Variants in ZSCAN22 observed in about 807,000 individuals in gnomAD.
ZSCAN22 encodes zinc finger and SCAN domain containing 22.
Under a neutral mutation model 12.4 loss-of-function variants are expected in ZSCAN22, and 7 were observed. The ratio of observed to expected loss-of-function variants is 0.57; its 90% CI spans 0.32 to 1.06. ZSCAN22 has a LOEUF of 1.06. Ranked by LOEUF, ZSCAN22 falls within the 50% of genes least tolerant of loss-of-function variation. The pLI is 0.04. For synonymous variants in ZSCAN22, 243 were observed against 255.9 expected (o/e 0.95, Z 0.48); for missense variants, 576 against 631.7 (o/e 0.91, Z 0.94).
rs1030116547 is a variant in ZSCAN22, at chr19:58,329,198, CCACCAGAGGT to C, written c.-52+2091_-52+2100del. Among the ~76,000 whole-genome samples, 298 of 148,872 alleles carry C rather than the reference CCACCAGAGGT, an allele frequency of 2.0e-3. 2 individuals carry two copies. The highest frequency in any genetic ancestry group is 7.1e-3 in the African/African-American group (278 of 39,084). ...GGCTTAAACGCAGCTTGGCCAGAGG[CCACCAGAGGT>C]CACCAGCGGTCACCAAAAGGTTTCA... On this transcript the variant is annotated intron_variant, in intron 1 of 2. Coordinates refer to ENST00000329665, the MANE Select transcript of ZSCAN22 (RefSeq NM_181846.3). The surrounding 1 kb of genome is among the most constrained non-coding windows in gnomAD (Gnocchi z 4.1).
At chr19:58,336,619 T>C (rs1392415635) in intron 2 of ZSCAN22, among the ~76,000 whole-genome samples, 1 of 152,168 alleles carries the variant, frequency 6.6e-6, no homozygotes, top group Non-Finnish European at 1.5e-5. Flanking sequence ...AAATCCCAAC[T>C]GGGCCACTAG....
At position 58,335,134 on chromosome 19, in the gene ZSCAN22, C is replaced by T. The variant is rs907282462; in HGVS notation, c.332C>T (p.Ala111Val). The T allele has an allele frequency of 1.9e-6, 3 of 1,613,782 alleles. No homozygotes were observed. The South Asian group carries it at 3.3e-5, about 18-fold the overall frequency. Residue 111 changes from alanine (A) to valine (V), a missense_variant, in exon 2 of 3, where the codon GCC becomes GTC. By Grantham distance (64) the Ala-to-Val change is moderately conservative. Coordinates refer to ENST00000329665, the MANE Select transcript of ZSCAN22 (RefSeq NM_181846.3). This position sits in a 1 kb window ranked among gnomAD's most constrained non-coding sequence, Gnocchi z 4.1. ...CCAGAGATCCAAGCCTGGGTGGGAG[C>T]CCAGAGTCCCAAGAGCGGAGAGGAA... ...LPPEIQAWVG[A>V]QSPKSGEEAA...
rs1489378239 is a variant in ZSCAN22, at chr19:58,329,395, C to A, written c.-52+2281C>A. ...ACATTGAAGGAAAGGAAAAAGAACTCCAAATACTTAAAACTGTGGGAGTCG... is the reference window on the plus strand; with the variant it reads ...ACATTGAAGGAAAGGAAAAAGAACTACAAATACTTAAAACTGTGGGAGTCG... On this transcript the variant is annotated intron_variant, in intron 1 of 2. Coordinates refer to ENST00000329665, the MANE Select transcript of ZSCAN22 (RefSeq NM_181846.3). The surrounding 1 kb of genome is among the most constrained non-coding windows in gnomAD (Gnocchi z 4.1). Among the ~76,000 whole-genome samples, 1 of 152,146 alleles carries A rather than the reference C, an allele frequency of 6.6e-6. No homozygotes were observed. The highest frequency in any genetic ancestry group is 2.4e-5 in the African/African-American group (1 of 41,428).
Position 58,335,215 on chromosome 19 carries a change from C to A in ZSCAN22, c.403+10C>A, listed in dbSNP as rs746538364. The A allele has an allele frequency of 6.4e-7, 1 of 1,562,708 alleles. No homozygotes were observed. Among genetic ancestry groups the A allele is most frequent in the South Asian group, 1.2e-5 (1 of 84,474 alleles). ...GTGCTGGACAAGAGAGGTAAAGGGGCGCCGTGGGCAGCTTCACGGCACACC... is the reference window on the plus strand; with the variant it reads ...GTGCTGGACAAGAGAGGTAAAGGGGAGCCGTGGGCAGCTTCACGGCACACC... On this transcript the variant is annotated intron_variant, in intron 2 of 2. Coordinates refer to ENST00000329665, the MANE Select transcript of ZSCAN22 (RefSeq NM_181846.3). This position sits in a 1 kb window ranked among gnomAD's most constrained non-coding sequence, Gnocchi z 4.1.
chr19:58,331,164 T>G (rs76300164), intron 1 of ZSCAN22, among the ~76,000 whole-genome samples: 3 of 151,502 alleles, frequency 2.0e-5, no homozygotes, highest in Non-Finnish European at 4.4e-5. Flanking sequence ...GTCTTTTGTG[T>G]AGAGGCCTGA....
Position 58,339,029 on chromosome 19 carries a change from G to T in ZSCAN22, c.1179G>T (p.Thr393=), listed in dbSNP as rs530965276. The change falls in exon 3 of 3, where the codon ACG becomes ACT. Residue 393 remains threonine (T), a synonymous_variant. Coordinates refer to ENST00000329665, the MANE Select transcript of ZSCAN22 (RefSeq NM_181846.3). The surrounding 1 kb of genome is among the most constrained non-coding windows in gnomAD (Gnocchi z 5.6). The part of the protein sequence containing the change: ...DACGKAFSQS[T]HLTQHQRIHT... ...GTGGGAAAGCCTTCAGCCAGAGCAC[G>T]CACCTGACTCAACACCAGCGCATCC... is the stretch of plus-strand genomic sequence containing the variant. The T allele has an allele frequency of 1.2e-6, 2 of 1,613,602 alleles. 1 individual carries two copies. Among genetic ancestry groups the T allele is most frequent in the Admixed American group, 3.3e-5 (2 of 59,958 alleles).
At position 58,338,825 on chromosome 19, in the gene ZSCAN22, G is replaced by A; in HGVS notation, c.975G>A (p.Glu325=). ...QVVHTGAKPH[E]CKECGKAFSR... ...TCCACACAGGGGCGAAGCCCCATGA[G>A]TGTAAGGAATGTGGGAAGGCCTTCA... Residue 325 remains glutamate (E), a synonymous_variant, in exon 3 of 3, where the codon GAG becomes GAA. Transcript: ENST00000329665. The surrounding 1 kb of genome is among the most constrained non-coding windows in gnomAD (Gnocchi z 5.4). 1.2e-6 allele frequency: 2 copies of A among 1,614,040 alleles called. No individual in the cohort carries two copies. The highest frequency in any genetic ancestry group is 1.7e-6 in the Non-Finnish European group (2 of 1,179,892).
At position 58,335,224 on chromosome 19, in the gene ZSCAN22, C is replaced by G; in HGVS notation, c.403+19C>G. On this transcript the variant is annotated intron_variant, in intron 2 of 2. Coordinates refer to ENST00000329665, the MANE Select transcript of ZSCAN22 (RefSeq NM_181846.3). The surrounding 1 kb of genome is among the most constrained non-coding windows in gnomAD (Gnocchi z 4.1). ...AAGAGAGGTAAAGGGGCGCCGTGGGCAGCTTCACGGCACACCAGAGATACA... is the reference window on the plus strand; with the variant it reads ...AAGAGAGGTAAAGGGGCGCCGTGGGGAGCTTCACGGCACACCAGAGATACA... 6.5e-7 allele frequency: 1 copy of G among 1,543,080 alleles called. No homozygotes were observed. Among genetic ancestry groups the G allele is most frequent in the Non-Finnish European group, 8.7e-7 (1 of 1,143,154 alleles).
chr19:58,338,497 C>A lies in ZSCAN22; in HGVS notation c.647C>A (p.Thr216Lys), dbSNP rs749318957. 1 of 1,614,112 alleles carries A rather than the reference C, an allele frequency of 6.2e-7. No individual in the cohort carries two copies. The highest frequency in any genetic ancestry group is 8.5e-7 in the Non-Finnish European group (1 of 1,180,056). The change falls in exon 3 of 3, where the codon ACA (threonine) becomes AAA (lysine). Residue 216 changes from threonine to lysine, a missense_variant. Physicochemically the swap from Thr to Lys is moderately conservative, Grantham distance 78 (BLOSUM62 -1). Transcript: ENST00000329665. The surrounding 1 kb of genome is among the most constrained non-coding windows in gnomAD (Gnocchi z 5.4). ...TCAGGGCCTTACAAGGATGTCCCCACAGACCAGCGTGGCCGTGAATCTGGT... is the reference window on the plus strand; with the variant it reads ...TCAGGGCCTTACAAGGATGTCCCCAAAGACCAGCGTGGCCGTGAATCTGGT... Reference protein sequence around the residue: ...KTSGPYKDVPTDQRGRESGAS... With the variant: ...KTSGPYKDVPKDQRGRESGAS...
In ZSCAN22 at chr19:58,338,555, C is replaced by T; in HGVS notation, c.705C>T (p.Asn235=). ...ASRNSSSAWP[N]LTSQEKPPSE... is the part of the protein sequence containing the mutation. ...GGAACAGTTCTAGTGCGTGGCCAAACCTCACCTCCCAAGAGAAGCCTCCTT... is the reference window on the plus strand; with the variant it reads ...GGAACAGTTCTAGTGCGTGGCCAAATCTCACCTCCCAAGAGAAGCCTCCTT... The change falls in exon 3 of 3, where the codon AAC becomes AAT. Residue 235 remains asparagine, a synonymous_variant. Transcript: ENST00000329665. The surrounding 1 kb of genome is among the most constrained non-coding windows in gnomAD (Gnocchi z 5.4). The T allele has an allele frequency of 5.0e-6, 8 of 1,614,254 alleles. No individual in the cohort carries two copies. Among genetic ancestry groups the T allele is most frequent in the Non-Finnish European group, 5.9e-6 (7 of 1,180,042 alleles).
chr19:58,336,521 A>G (rs149894784), intron 2 of ZSCAN22, among the ~76,000 whole-genome samples: 224 of 152,108 alleles, frequency 1.5e-3, no homozygotes, highest in Non-Finnish European at 1.6e-3. Flanking sequence ...TTCTGGATAG[A>G]GGAAGGAAGG....
At chr19:58,328,978 G>A (rs747889197) in intron 1 of ZSCAN22, among the ~76,000 whole-genome samples, 1 of 152,152 alleles carries the variant, frequency 6.6e-6, no homozygotes, top group Non-Finnish European at 1.5e-5. Flanking sequence ...AGTTACCCAG[G>A]GCACTCTGGG....
At position 58,331,516 on chromosome 19, in the gene ZSCAN22, ACGTTATTATTATTATTATTATTAT is replaced by A. The variant is rs1219746172; in HGVS notation, c.-51-3235_-51-3212del. Among the ~76,000 whole-genome samples, 326 of 130,110 alleles carry A rather than the reference ACGTTATTATTATTATTATTATTAT, an allele frequency of 2.5e-3. 1 individual carries two copies. Among genetic ancestry groups the A allele is most frequent in the Middle Eastern group, 0.021 (5 of 242 alleles). 85.4% of individuals were successfully genotyped at this position (130,110 alleles called of 152,430 possible). A position where few individuals can be genotyped will look rare whatever the true frequency, so the allele number is the denominator to read the frequency against. On this transcript the variant is annotated intron_variant, in intron 1 of 2. Transcript: ENST00000329665. ...AGGTGTGAGCCACCGCGTCCAGCTG[ACGTTATTATTATTATTATTATTAT>A]TATTATTATTATTATTATTATTATT...
At chr19:58,333,784 A>G (rs1043961633) in intron 1 of ZSCAN22, among the ~76,000 whole-genome samples, 3 of 152,260 alleles carry the variant, frequency 2.0e-5, no homozygotes, top group African/African-American at 7.2e-5. Context: ...GCGGAGTTGC[A>G]GTGAGCCGAG....
chr19:58,332,574 C>T (rs576778598), intron 1 of ZSCAN22, among the ~76,000 whole-genome samples: 2 of 152,232 alleles, frequency 1.3e-5, no homozygotes, highest in South Asian at 2.1e-4. Context: ...CGTGCCCTGC[C>T]GTGTCTTTCT....
chr19:58,335,342 T>A lies in ZSCAN22; in HGVS notation c.403+137T>A. The stretch of plus-strand genomic sequence containing the variant: ...GTACTTTACCGTAACTCTCACACAC[T>A]GTTGTAGACAGGTGTGTTTTGGTTG... On this transcript the variant is annotated intron_variant, in intron 2 of 2. Transcript: ENST00000329665. The surrounding 1 kb of genome is among the most constrained non-coding windows in gnomAD (Gnocchi z 4.1). The A allele has an allele frequency of 8.4e-7, 1 of 1,193,504 alleles. No homozygotes were observed. Among genetic ancestry groups the A allele is most frequent in the Non-Finnish European group, 1.1e-6 (1 of 881,048 alleles). The allele number at this position is 1,193,504 out of a possible 1,614,324, so 73.9% of individuals were successfully genotyped here.
chr19:58,332,405 T>C (rs1226100973), intron 1 of ZSCAN22, among the ~76,000 whole-genome samples: 1 of 150,686 alleles, frequency 6.6e-6, no homozygotes, highest in African/African-American at 2.4e-5. Flanking sequence ...TCCTGAGTAG[T>C]TGGGATTACA....
intron 1 of ZSCAN22, among the ~76,000 whole-genome samples, chr19:58,331,507 G>A (rs1031628870): frequency 2.7e-5 from 4 of 146,478 alleles, no homozygotes; most frequent in South Asian, 2.2e-4. Context: ...GAGCCACCGC[G>A]TCCAGCTGAC....
chr19:58,337,422 G>A (rs1017422904), intron 2 of ZSCAN22, among the ~76,000 whole-genome samples: 1 of 145,356 alleles, frequency 6.9e-6, no homozygotes, highest in Non-Finnish European at 1.5e-5. Flanking sequence ...ATCAGAGCCT[G>A]CAGGGGACAC....
Sources: gnomAD v4.1 joint callset for allele counts (sites outside exome capture counted in the v4.1 genomes callset) on GRCh38, gnomAD v4.1.1 for gene constraint, Gnocchi (gnomAD v3.1) non-coding constraint, MANE v1.5 for transcripts, NCBI Gene and HGNC (gene_info 2026-07-23, HGNC 2026-07-21) for gene names.